The following PCDH19 variants were observed in gnomAD, a reference collection of about 807,000 sequenced individuals.
The protein encoded by PCDH19 is protocadherin-19.
In PCDH19, 6 loss-of-function variants were observed where a neutral mutation model predicts 46.2. That is an observed-to-expected ratio of 0.13 (90% CI 0.07 to 0.26). The LOEUF (loss-of-function observed/expected upper bound fraction) is 0.26. Ranked by LOEUF, PCDH19 falls within the 10% of genes least tolerant of loss-of-function variation. PCDH19 has a pLI of 1.00. For synonymous variants in PCDH19, 481 were observed against 415.7 expected (o/e 1.16, Z -1.91); for missense variants, 740 against 972.3 (o/e 0.76, Z 3.18).
intron 3 of PCDH19, among the ~76,000 whole-genome samples, chrX:100,397,242 T>C (rs1277826698): frequency 1.8e-5 from 2 of 112,220 alleles, no homozygotes; most frequent in Non-Finnish European, 3.8e-5. Context: ...CTAACTGATG[T>C]TTTATTTTCA....
intron 5 of PCDH19, among the ~76,000 whole-genome samples, chrX:100,320,361 C>A (rs992964683): frequency 2.7e-5 from 3 of 112,202 alleles, no homozygotes; most frequent in African/African-American, 9.7e-5. Flanking sequence ...TGAGATCACA[C>A]AGAGTTAGTG....
intron 5 of PCDH19, among the ~76,000 whole-genome samples, chrX:100,338,047 A>T (rs1926138967): frequency 8.9e-6 from 1 of 111,797 alleles, no homozygotes; most frequent in Non-Finnish European, 1.9e-5. Flanking sequence ...CTTTGAGTTC[A>T]AAAGTCTTCT....
rs368979338 is a variant in PCDH19, at chrX:100,342,070, G to T, written c.2681C>A (p.Ser894Tyr). 1 of 1,207,155 alleles carries T rather than the reference G, an allele frequency of 8.3e-7. No homozygotes were observed. Among genetic ancestry groups the T allele is most frequent in the Non-Finnish European group, 1.1e-6 (1 of 891,353 alleles). Residue 894 changes from serine to tyrosine, a missense_variant, in exon 5 of 6, where the codon TCC becomes TAC. By Grantham distance (144) the Ser-to-Tyr change is moderately radical. This residue lies in a region of PCDH19 where 416 missense variants were observed against 476.8 expected (regional missense o/e 0.87). Coordinates refer to ENST00000373034, the MANE Select transcript of PCDH19 (RefSeq NM_001184880.2). The stretch of plus-strand genomic sequence containing the variant: ...GTTGCCCTCTAAGTCCTTGAAGGTG[G>T]AGCTGCTGGGTTGAAGACAGAATGA... ...NSRAHLIKSS[S>Y]TFKDLEGNSL...
intron 3 of PCDH19, among the ~76,000 whole-genome samples, chrX:100,400,914 A>C (rs1490434136): frequency 9.0e-6 from 1 of 111,657 alleles, no homozygotes; most frequent in African/African-American, 3.3e-5. Context: ...GGAAGGTGTC[A>C]CTGAAATCAC....
At chrX:100,297,810 C>T (rs112152137) in intron 5 of PCDH19, among the ~76,000 whole-genome samples, 10 of 110,972 alleles carry the variant, frequency 9.0e-5, no homozygotes, top group African/African-American at 2.9e-4. Flanking sequence ...TTTACCAAGG[C>T]ATGGACCCAG....
intron 5 of PCDH19, among the ~76,000 whole-genome samples, chrX:100,309,236 C>T (rs1925054911): frequency 9.1e-6 from 1 of 109,627 alleles, no homozygotes; most frequent in South Asian, 3.9e-4. Context: ...TATGCAGCAA[C>T]CTGGATAGAA....
chrX:100,314,203 A>G (rs1925228472), intron 5 of PCDH19, among the ~76,000 whole-genome samples: 1 of 111,904 alleles, frequency 8.9e-6, no homozygotes, highest in African/African-American at 3.2e-5. Context: ...ATGGCTAATA[A>G]AAAGAAACAT....
intron 5 of PCDH19, among the ~76,000 whole-genome samples, chrX:100,334,575 G>C (rs1003651580): frequency 2.3e-4 from 25 of 110,890 alleles, no homozygotes; most frequent in Non-Finnish European, 2.6e-4. Flanking sequence ...GCAAGGAGGA[G>C]CCAGACCCTG....
chrX:100,356,408 T>C (rs1248765723), intron 3 of PCDH19, among the ~76,000 whole-genome samples: 1 of 111,750 alleles, frequency 8.9e-6, no homozygotes, highest in Non-Finnish European at 1.9e-5. Flanking sequence ...CTAAAGCTGG[T>C]TGCTGTTTTA....
In PCDH19 at chrX:100,294,402, T is replaced by C. The variant is rs1924525474; in HGVS notation, c.*1875A>G. 1 of 111,169 alleles carries C rather than the reference T, an allele frequency of 9.0e-6. No homozygotes were observed. The highest frequency in any genetic ancestry group is 9.6e-5 in the Admixed American group (1 of 10,404). 9.2% of individuals were successfully genotyped at this position (111,169 alleles called of 1,213,427 possible). ...TTCATTATAAGTTCTTTTTCAGAAA[T>C]GTTCTCCCCTACCTAACCCCATCCC... On this transcript the variant is annotated 3_prime_UTR_variant, in exon 6 of 6. Coordinates refer to ENST00000373034, the MANE Select transcript of PCDH19 (RefSeq NM_001184880.2).
At chrX:100,339,385 G>A (rs1926188477) in intron 5 of PCDH19, among the ~76,000 whole-genome samples, 1 of 111,649 alleles carries the variant, frequency 9.0e-6, no homozygotes, top group Admixed American at 9.5e-5. Flanking sequence ...TTCTAAATTG[G>A]TAATCCTTTG....
chrX:100,370,776 A>T (rs919929127), intron 3 of PCDH19, among the ~76,000 whole-genome samples: 5 of 111,664 alleles, frequency 4.5e-5, no homozygotes, highest in Non-Finnish European at 9.4e-5. Flanking sequence ...AAAAAGTAAA[A>T]GATGCATTTT....
chrX:100,390,534 C>T (rs986549750), intron 3 of PCDH19, among the ~76,000 whole-genome samples: 2 of 111,493 alleles, frequency 1.8e-5, no homozygotes, highest in African/African-American at 6.5e-5. Flanking sequence ...CCAAGGGCGT[C>T]CCCACCGACT....
chrX:100,387,673 T>C (rs749563692), intron 3 of PCDH19, among the ~76,000 whole-genome samples: 23 of 112,053 alleles, frequency 2.1e-4, no homozygotes, highest in Middle Eastern at 4.6e-3. Flanking sequence ...GTATGTGAAC[T>C]AGATGTCTAA....
At chrX:100,387,953 TA>T (rs1322719012) in intron 3 of PCDH19, among the ~76,000 whole-genome samples, 1 of 111,761 alleles carries the variant, frequency 8.9e-6, no homozygotes, top group African/African-American at 3.2e-5. Context: ...AATAACTCAT[TA>T]AAAACTGTCT....
intron 5 of PCDH19, among the ~76,000 whole-genome samples, chrX:100,336,434 G>A (rs752595114): frequency 8.9e-6 from 1 of 112,045 alleles, no homozygotes; most frequent in Admixed American, 9.4e-5. Flanking sequence ...AGCATAGTAC[G>A]CAGCCTACAG....
intron 3 of PCDH19, among the ~76,000 whole-genome samples, chrX:100,353,106 C>T (rs112746677): frequency 6.3e-5 from 7 of 111,752 alleles, no homozygotes; most frequent in African/African-American, 2.3e-4. Flanking sequence ...ATCCTGATCC[C>T]CTGCTTTATA....
intron 5 of PCDH19, among the ~76,000 whole-genome samples, chrX:100,331,970 T>C (rs975820855): frequency 3.6e-5 from 4 of 110,186 alleles, no homozygotes; most frequent in Non-Finnish European, 5.7e-5. Flanking sequence ...AAGCCTTATA[T>C]AAAGAAAGAG....
chrX:100,358,227 C>T (rs778245285), intron 3 of PCDH19, among the ~76,000 whole-genome samples: 16 of 111,811 alleles, frequency 1.4e-4, no homozygotes, highest in Admixed American at 3.8e-4. Flanking sequence ...TGTGAGAAGA[C>T]GAGGGTTCAC....
Sources: gnomAD v4.1 joint callset for allele counts (sites outside exome capture counted in the v4.1 genomes callset) on GRCh38, gnomAD v4.1.1 for gene constraint, gnomAD v4.1.1 regional missense constraint, MANE v1.5 for transcripts, NCBI Gene and HGNC (gene_info 2026-07-23, HGNC 2026-07-21) for gene names.